The following CSMD1 variants were observed in gnomAD, a reference collection of about 807,000 sequenced individuals.
CSMD1 encodes the protein CUB and Sushi multiple domains 1.
CSMD1 carries 213 observed loss-of-function variants against 417.5 expected under a neutral mutation model. That is an observed-to-expected ratio of 0.51 (90% confidence interval 0.46 to 0.57). The LOEUF (loss-of-function observed/expected upper bound fraction) is 0.57. Among genes scored for constraint, CSMD1 ranks in the 20% least tolerant of loss-of-function variants. The pLI, the probability that CSMD1 is intolerant of heterozygous loss-of-function variation, is 0.00. For missense variants in CSMD1, 6,923 were observed against 4,529.7 expected (o/e 1.53, Z -15.17); for synonymous variants, 2,862 against 1,736.8 (o/e 1.65, Z -16.11).
intron 5 of CSMD1, among the ~76,000 whole-genome samples, chr8:3,875,759 C>A (rs984186466): frequency 9.9e-5 from 15 of 152,094 alleles, no homozygotes; most frequent in African/African-American, 3.1e-4. Flanking sequence ...TGGAGACAGC[C>A]AGTGAAGACC....
At chr8:3,367,277 G>C (rs371108751) in intron 19 of CSMD1, 30 bp from the exon 20 acceptor site, 70 of 1,492,666 alleles carry the variant, frequency 4.7e-5, no homozygotes, top group Non-Finnish European at 5.9e-5. Flanking sequence ...GAGAGAGAGA[G>C]AGACAGAGAG....
chr8:4,400,857 G>A (rs1269040246), intron 3 of CSMD1, among the ~76,000 whole-genome samples: 1 of 150,716 alleles, frequency 6.6e-6, no homozygotes, highest in African/African-American at 2.4e-5. Context: ...TTTAATAGCA[G>A]AAAAATTGAA....
chr8:4,095,268 G>T (rs936183659), intron 3 of CSMD1, among the ~76,000 whole-genome samples: 6 of 152,116 alleles, frequency 3.9e-5, no homozygotes, highest in Admixed American at 3.9e-4. Flanking sequence ...TTCCTCCGAG[G>T]AGATTAAAAT....
At chr8:3,995,486 G>C (rs892028672) in intron 5 of CSMD1, among the ~76,000 whole-genome samples, 2 of 152,188 alleles carry the variant, frequency 1.3e-5, no homozygotes, top group Non-Finnish European at 2.9e-5. Flanking sequence ...CTGAAACAGA[G>C]AAACTCTACT....
intron 26 of CSMD1, among the ~76,000 whole-genome samples, chr8:3,253,804 C>G (rs374578106): frequency 1.3e-5 from 2 of 152,236 alleles, no homozygotes. Flanking sequence ...ATACAGCACA[C>G]TGTAGGGTCT....
intron 37 of CSMD1, among the ~76,000 whole-genome samples, chr8:3,173,046 G>C (rs1356477525): frequency 6.6e-6 from 1 of 152,156 alleles, no homozygotes; most frequent in Non-Finnish European, 1.5e-5. Context: ...AAATACATTA[G>C]AACTTGAAAC....
At chr8:3,685,851 A>G (rs1799918356) in intron 7 of CSMD1, among the ~76,000 whole-genome samples, 2 of 152,188 alleles carry the variant, frequency 1.3e-5, no homozygotes, top group African/African-American at 4.8e-5. Flanking sequence ...AAATAATCAC[A>G]TCATGGAGAA....
rs2129102119 is a variant in CSMD1 at position 3,854,696 on chromosome 8, C to T, written c.819-100654G>A. On this transcript the variant is annotated intron_variant, in intron 5 of 69. Coordinates refer to ENST00000635120, the MANE Select transcript of CSMD1 (RefSeq NM_033225.6). ...GATGGAGAGTGGGCGAGAAGGGAGT[C>T]GGGAAGATGAGACAGCGGGGGAAAT... Among the ~76,000 whole-genome samples the T allele has an allele frequency of 2.0e-5, 3 of 148,694 alleles. 1 individual carries two copies. The highest frequency in any genetic ancestry group is 4.0e-4 in the East Asian group (2 of 5,014).
intron 2 of CSMD1, among the ~76,000 whole-genome samples, chr8:4,540,833 A>G (rs1376213850): frequency 2.0e-5 from 3 of 152,054 alleles, no homozygotes; most frequent in Admixed American, 6.5e-5. Flanking sequence ...CTGAGGCAAA[A>G]AAAGGTAAAG....
intron 1 of CSMD1, among the ~76,000 whole-genome samples, chr8:4,726,173 T>C (rs140802973): frequency 1.7e-4 from 26 of 152,262 alleles, no homozygotes; most frequent in African/African-American, 6.0e-4. Context: ...AAACCTACAG[T>C]TGGTTGTATT....
intron 50 of CSMD1, among the ~76,000 whole-genome samples, chr8:3,038,423 A>G (rs60451360): frequency 0.23 from 35,513 of 152,162 alleles, 4,308 homozygotes; most frequent in East Asian, 0.43. Flanking sequence ...TTAGTGTTCC[A>G]TTCTTTGACT....
intron 3 of CSMD1, among the ~76,000 whole-genome samples, chr8:4,167,018 T>C (rs1364246541): frequency 6.6e-6 from 1 of 152,184 alleles, no homozygotes; most frequent in Non-Finnish European, 1.5e-5. Flanking sequence ...GAAATCTTTT[T>C]GTGTTTCCCA....
intron 7 of CSMD1, among the ~76,000 whole-genome samples, chr8:3,685,241 T>C (rs1799888152): frequency 6.6e-6 from 1 of 152,202 alleles, no homozygotes; most frequent in Admixed American, 6.5e-5. Flanking sequence ...ATAGTGACTA[T>C]AAAATAAAGT....
At chr8:4,099,423 T>G (rs1286652804) in intron 3 of CSMD1, among the ~76,000 whole-genome samples, 1 of 152,142 alleles carries the variant, frequency 6.6e-6, no homozygotes, top group Admixed American at 6.6e-5. Flanking sequence ...AGCCTTGCAA[T>G]GCCACCACTC....
intron 1 of CSMD1, among the ~76,000 whole-genome samples, chr8:4,910,167 T>C (rs1201461033): frequency 6.6e-6 from 1 of 152,204 alleles, no homozygotes; most frequent in Non-Finnish European, 1.5e-5. Flanking sequence ...TATTTCAAAT[T>C]GTGTTTCATT....
At chr8:4,327,833 C>T (rs895468130) in intron 3 of CSMD1, among the ~76,000 whole-genome samples, 4 of 152,128 alleles carry the variant, frequency 2.6e-5, no homozygotes, top group Admixed American at 1.3e-4. Flanking sequence ...AAGTAAGGTA[C>T]ATTTTTGTTT....
intron 1 of CSMD1, among the ~76,000 whole-genome samples, chr8:4,985,184 G>A (rs1712170485): frequency 6.6e-6 from 1 of 152,022 alleles, no homozygotes; most frequent in African/African-American, 2.4e-5. Flanking sequence ...CACATAGAAG[G>A]GAACAACACA....
At chr8:3,966,326 A>G (rs570306549) in intron 5 of CSMD1, among the ~76,000 whole-genome samples, 38 of 152,316 alleles carry the variant, frequency 2.5e-4, no homozygotes, top group Admixed American at 4.6e-4. Flanking sequence ...AAGAAATAGC[A>G]TCTTGCTCAG....
At chr8:4,546,510 T>G (rs79050916) in intron 2 of CSMD1, among the ~76,000 whole-genome samples, 2 of 152,072 alleles carry the variant, frequency 1.3e-5, no homozygotes, top group African/African-American at 4.8e-5. Flanking sequence ...AACGGTGAAT[T>G]TTCTCTTTTC....
Sources: gnomAD v4.1 joint callset for allele counts (sites outside exome capture counted in the v4.1 genomes callset) on GRCh38, gnomAD v4.1.1 for gene constraint, MANE v1.5 for transcripts, NCBI Gene and HGNC (gene_info 2026-07-23, HGNC 2026-07-21) for gene names.